The following LCA5 variants were observed in gnomAD, a reference collection of about 807,000 sequenced individuals.
LCA5 encodes lebercilin LCA5.
LCA5 carries 37 observed loss-of-function variants against 53.0 expected under a neutral mutation model. The observed-to-expected ratio is 0.70, with a 90% confidence interval of 0.54 to 0.92. The LOEUF is 0.92. LCA5 is among the 40% of genes least tolerant of loss of function. The pLI is 0.00. For synonymous variants in LCA5, 303 were observed against 282.9 expected (o/e 1.07, Z -0.71); for missense variants, 806 against 790.5 (o/e 1.02, Z -0.23).
At chr6:79,503,220 A>G (rs577280684) in intron 3 of LCA5, among the ~76,000 whole-genome samples, 31 of 152,332 alleles carry the variant, frequency 2.0e-4, no homozygotes, top group African/African-American at 7.5e-4. Context: ...AAGAAGGCAA[A>G]TAACATCTCT....
intron 1 of LCA5, among the ~76,000 whole-genome samples, chr6:79,528,062 A>C (rs1766843490): frequency 6.6e-6 from 1 of 152,200 alleles, no homozygotes; most frequent in Non-Finnish European, 1.5e-5. Flanking sequence ...TAACCACTAC[A>C]AGTGTGCTGC....
intron 3 of LCA5, among the ~76,000 whole-genome samples, chr6:79,503,005 C>G (rs1326663055): frequency 6.6e-6 from 1 of 152,066 alleles, no homozygotes; most frequent in South Asian, 2.1e-4. Flanking sequence ...CTCGGCCTCC[C>G]GAGAAACTGG....
intron 6 of LCA5, among the ~76,000 whole-genome samples, chr6:79,490,456 A>T (rs1769805775): frequency 6.6e-6 from 1 of 151,916 alleles, no homozygotes; most frequent in Admixed American, 6.6e-5. Flanking sequence ...AAGGCTATAT[A>T]CTCTTATACT....
chr6:79,529,148 T>A (rs1235024922), intron 1 of LCA5, among the ~76,000 whole-genome samples: 1 of 152,206 alleles, frequency 6.6e-6, no homozygotes, highest in Non-Finnish European at 1.5e-5. Flanking sequence ...AAAACGGCTA[T>A]TAATAAGCAA....
chr6:79,525,903 G>T (rs536831321), intron 1 of LCA5, among the ~76,000 whole-genome samples: 49 of 152,178 alleles, frequency 3.2e-4, no homozygotes, highest in Non-Finnish European at 5.7e-4. Flanking sequence ...TTTAATAAAA[G>T]AACTAATGTC....
chr6:79,527,181 A>ACTC (rs748954086), intron 1 of LCA5, among the ~76,000 whole-genome samples: 23 of 152,112 alleles, frequency 1.5e-4, no homozygotes, highest in Non-Finnish European at 2.4e-4. Flanking sequence ...GATTCACTCT[A>ACTC]CTCCAATCAA....
chr6:79,503,275 C>CCCATGGAGGAA (rs1770191661), intron 3 of LCA5, among the ~76,000 whole-genome samples: 1 of 152,118 alleles, frequency 6.6e-6, no homozygotes, highest in Non-Finnish European at 1.5e-5. Flanking sequence ...TAGAGAGTTC[C>CCCATGGAGGAA]CCATGGAGGT....
chr6:79,496,460 G>A (rs1264409147), intron 3 of LCA5, among the ~76,000 whole-genome samples: 1 of 152,048 alleles, frequency 6.6e-6, no homozygotes, highest in Non-Finnish European at 1.5e-5. Flanking sequence ...TAAACAAAAT[G>A]TCATATATAT....
chr6:79,504,700 T>G (rs1215645107), intron 3 of LCA5, among the ~76,000 whole-genome samples: 1 of 152,148 alleles, frequency 6.6e-6, no homozygotes, highest in East Asian at 1.9e-4. Flanking sequence ...TAGGCTAAAC[T>G]TAAATTTAAC....
chr6:79,489,961 C>T (rs1769791427), intron 6 of LCA5, among the ~76,000 whole-genome samples: 1 of 152,184 alleles, frequency 6.6e-6, no homozygotes, highest in Admixed American at 6.5e-5. Context: ...AAACCAAATG[C>T]TGCTTCCCCT....
upstream of LCA5, among the ~76,000 whole-genome samples, chr6:79,537,950 C>T (rs991351937): frequency 1.2e-4 from 17 of 137,942 alleles, no homozygotes; most frequent in Non-Finnish European, 1.8e-4. Context: ...GTGAGTTTGG[C>T]TTGAAAGTGA....
Position 79,485,361 on chromosome 6 carries a change from A to C in LCA5, c.*1643T>G, listed in dbSNP as rs1003016851. On this transcript the variant is annotated 3_prime_UTR_variant, in exon 8 of 8. Coordinates refer to ENST00000369846, the MANE Select transcript of LCA5 (RefSeq NM_001122769.3). ...GCTAGGAACAAAATTAACATTACAT[A>C]ATATTTTACCAATAACTGCATTACA... 1.3e-5 allele frequency: 2 copies of C among 152,590 alleles called. No homozygotes were observed. Among genetic ancestry groups the C allele is most frequent in the Admixed American group, 6.6e-5 (1 of 15,266 alleles). 9.5% of individuals were successfully genotyped at this position (152,590 alleles called of 1,614,324 possible).
At chr6:79,519,325 G>A (rs1766550603) in intron 1 of LCA5, among the ~76,000 whole-genome samples, 1 of 152,132 alleles carries the variant, frequency 6.6e-6, no homozygotes, top group African/African-American at 2.4e-5. Flanking sequence ...AATGTTAACT[G>A]AAGTTGACTG....
chr6:79,519,515 T>C (rs1351760392), intron 1 of LCA5, among the ~76,000 whole-genome samples: 1 of 151,774 alleles, frequency 6.6e-6, no homozygotes, highest in Non-Finnish European at 1.5e-5. Flanking sequence ...GGGCAGATCA[T>C]GAGGTCAAGA....
chr6:79,504,305 C>G (rs980730384), intron 3 of LCA5, among the ~76,000 whole-genome samples: 1 of 152,080 alleles, frequency 6.6e-6, no homozygotes, highest in Non-Finnish European at 1.5e-5. Context: ...AAAACAAAAG[C>G]CAACATATAT....
At chr6:79,521,427 T>A (rs1466964501) in intron 1 of LCA5, among the ~76,000 whole-genome samples, 4 of 152,128 alleles carry the variant, frequency 2.6e-5, no homozygotes, top group East Asian at 1.9e-4. Context: ...CCAAAAAAAA[T>A]TTTTAAAGCC....
At chr6:79,499,019 A>C (rs2127672278) in intron 3 of LCA5, among the ~76,000 whole-genome samples, 2 of 152,274 alleles carry the variant, frequency 1.3e-5, no homozygotes, top group Non-Finnish European at 2.9e-5. Flanking sequence ...GCAATGTGTA[A>C]AAATTGCATC....
chr6:79,524,967 CAA>C (rs976590117), intron 1 of LCA5, among the ~76,000 whole-genome samples: 4 of 151,720 alleles, frequency 2.6e-5, no homozygotes, highest in Non-Finnish European at 5.9e-5. Flanking sequence ...CTTCTATTTT[CAA>C]AGAGTTTTTT....
rs1210894721 is a variant in LCA5, at chr6:79,485,475, A to T, written c.*1529T>A. The stretch of plus-strand genomic sequence containing the variant: ...TCAGACATACAAATCTATTAAGAAA[A>T]CTTTTTAATATAGTTTAGCACTTTT... On this transcript the variant is annotated 3_prime_UTR_variant, in exon 8 of 8. Coordinates refer to ENST00000369846, the MANE Select transcript of LCA5 (RefSeq NM_001122769.3). 6.6e-6 allele frequency: 1 copy of T among 152,592 alleles called. No individual in the cohort carries two copies. Among genetic ancestry groups the T allele is most frequent in the Non-Finnish European group, 1.5e-5 (1 of 68,020 alleles). The allele number at this position is 152,592 out of a possible 1,614,324, so 9.5% of individuals were successfully genotyped here.
Sources: gnomAD v4.1 joint callset for allele counts (sites outside exome capture counted in the v4.1 genomes callset) on GRCh38, gnomAD v4.1.1 for gene constraint, MANE v1.5 for transcripts, NCBI Gene and HGNC (gene_info 2026-07-23, HGNC 2026-07-21) for gene names.